The following PDE3A variants were observed in gnomAD, a reference collection of about 807,000 sequenced individuals.
PDE3A encodes cGMP-inhibited 3',5'-cyclic phosphodiesterase 3A.
In PDE3A, 43 loss-of-function variants were observed where a neutral mutation model predicts 98.3. That is an observed-to-expected ratio of 0.44 (90% CI 0.34 to 0.56). PDE3A has a LOEUF of 0.56. Among genes scored for constraint, PDE3A ranks in the 20% least tolerant of loss-of-function variants. The pLI is 0.01. For missense variants in PDE3A, 1,427 were observed against 1,440.7 expected (o/e 0.99, Z 0.15); for synonymous variants, 663 against 567.9 (o/e 1.17, Z -2.38).
At chr12:20,417,266 C>A (rs554054517) in intron 1 of PDE3A, among the ~76,000 whole-genome samples, 1 of 152,136 alleles carries the variant, frequency 6.6e-6, no homozygotes, top group East Asian at 1.9e-4. Flanking sequence ...ACACAAAAGT[C>A]CTGTAGAAAA....
intron 2 of PDE3A, among the ~76,000 whole-genome samples, chr12:20,581,553 G>A (rs1417489311): frequency 2.0e-5 from 3 of 151,204 alleles, no homozygotes; most frequent in South Asian, 2.1e-4. Context: ...TAGACGTTAC[G>A]ACTTTTTCTT....
At chr12:20,409,245 A>G (rs920091341) in intron 1 of PDE3A, among the ~76,000 whole-genome samples, 21 of 152,216 alleles carry the variant, frequency 1.4e-4, no homozygotes, top group African/African-American at 5.1e-4. Context: ...TCAGCGACAC[A>G]GGTTGAAGCC....
At chr12:20,456,235 A>T (rs1232156516) in intron 1 of PDE3A, among the ~76,000 whole-genome samples, 1 of 152,130 alleles carries the variant, frequency 6.6e-6, no homozygotes, top group Non-Finnish European at 1.5e-5. Flanking sequence ...GAGTGACAGG[A>T]ACAAGTCAGA....
chr12:20,663,870 A>T (rs1237021570), intron 15 of PDE3A, among the ~76,000 whole-genome samples: 2 of 152,042 alleles, frequency 1.3e-5, no homozygotes, highest in African/African-American at 4.8e-5. Context: ...TAGTTTTGGG[A>T]GAGGTGAGGG....
chr12:20,467,500 CTT>C (rs965331491), intron 1 of PDE3A, among the ~76,000 whole-genome samples: 6 of 151,732 alleles, frequency 4.0e-5, no homozygotes, highest in Non-Finnish European at 8.8e-5. Context: ...TTTTTAAAGT[CTT>C]TATTTTATTC....
intron 2 of PDE3A, among the ~76,000 whole-genome samples, chr12:20,601,476 A>G (rs1308045886): frequency 6.6e-6 from 1 of 152,168 alleles, no homozygotes; most frequent in East Asian, 1.9e-4. Flanking sequence ...AATGGCAGTA[A>G]AGTTCCACAA....
At position 20,613,550 on chromosome 12, in the gene PDE3A, C is replaced by T; in HGVS notation, c.1119C>T (p.Ser373=). ...DPSLPPNVCT[S]LRAVSNLLST... is the part of the protein sequence containing the mutation. ...CTCTTCCACCAAACGTGTGCACATC[C>T]TTGAGAGCCGTGAGCAACTTGCTCA... The change falls in exon 3 of 16, where the codon TCC becomes TCT. Residue 373 remains serine (S), a synonymous_variant. Coordinates refer to ENST00000359062, the MANE Select transcript of PDE3A (RefSeq NM_000921.5). 1 of 1,614,148 alleles carries T rather than the reference C, an allele frequency of 6.2e-7. No individual in the cohort carries two copies. Among genetic ancestry groups the T allele is most frequent in the South Asian group, 1.1e-5 (1 of 91,084 alleles).
chr12:20,562,446 C>T (rs374104876), intron 2 of PDE3A, among the ~76,000 whole-genome samples: 292 of 152,010 alleles, frequency 1.9e-3, no homozygotes, highest in African/African-American at 6.8e-3. Flanking sequence ...TTTCGATCTC[C>T]TGACCTCGTG....
intron 15 of PDE3A, among the ~76,000 whole-genome samples, chr12:20,673,457 C>T (rs1469094423): frequency 2.1e-5 from 3 of 139,616 alleles, no homozygotes; most frequent in African/African-American, 8.2e-5. Context: ...ACCCAAATGT[C>T]CAACAATGAT....
At chr12:20,426,156 A>G (rs1473894601) in intron 1 of PDE3A, among the ~76,000 whole-genome samples, 1 of 152,150 alleles carries the variant, frequency 6.6e-6, no homozygotes, top group Non-Finnish European at 1.5e-5. Context: ...ACTAGAAGAG[A>G]TTTTGTAACA....
chr12:20,675,599 C>T (rs1399788025), intron 15 of PDE3A, among the ~76,000 whole-genome samples: 1 of 152,174 alleles, frequency 6.6e-6, no homozygotes, highest in Non-Finnish European at 1.5e-5. Context: ...GATACTGCTT[C>T]TCAGCCTTTT....
At chr12:20,463,680 T>G (rs543823349) in intron 1 of PDE3A, among the ~76,000 whole-genome samples, 1 of 152,348 alleles carries the variant, frequency 6.6e-6, no homozygotes, top group Non-Finnish European at 1.5e-5. Flanking sequence ...GTTTTCATAT[T>G]TCTTTCAGTA....
intron 2 of PDE3A, among the ~76,000 whole-genome samples, chr12:20,591,557 C>T (rs1190897403): frequency 1.3e-5 from 2 of 152,174 alleles, no homozygotes; most frequent in Non-Finnish European, 2.9e-5. Context: ...CTTCTAATGC[C>T]GAAGGCAAAT....
rs10657239 is a variant in PDE3A, at chr12:20,481,764, ATTTTTTTT to A, written c.961-74881_961-74874del. Among the ~76,000 whole-genome samples the A allele has an allele frequency of 6.1e-3, 488 of 79,598 alleles. 13 individuals carry two copies. Among genetic ancestry groups the A allele is most frequent in the African/African-American group, 0.023 (447 of 19,310 alleles). The allele number at this position is 79,598 out of a possible 152,430, so 52.2% of individuals were successfully genotyped here. ...TCCATGTAAGTGACTTGGGAAATAG[ATTTTTTTT>A]TTTTTTTTTTTTTTGAGCAGAGTCT... On this transcript the variant is annotated intron_variant, in intron 1 of 15. Transcript: ENST00000359062.
chr12:20,400,146 G>A (rs1944095006), intron 1 of PDE3A, among the ~76,000 whole-genome samples: 1 of 152,074 alleles, frequency 6.6e-6, no homozygotes, highest in South Asian at 2.1e-4. Flanking sequence ...AGCCAGGGAT[G>A]CAGGTGTCAT....
chr12:20,616,131 A>C, intron 3 of PDE3A, 99 bp from the exon 4 acceptor site: 1 of 1,042,778 alleles, frequency 9.6e-7, no homozygotes, highest in Non-Finnish European at 1.4e-6. Context: ...TAATTTAGTC[A>C]ATTCACTTCT....
intron 1 of PDE3A, among the ~76,000 whole-genome samples, chr12:20,528,636 A>G (rs140730491): frequency 7.2e-5 from 11 of 152,324 alleles, no homozygotes; most frequent in African/African-American, 2.6e-4. Context: ...TAAATAAGGT[A>G]TGCCCATTGG....
At chr12:20,601,885 T>G (rs1162284653) in intron 2 of PDE3A, among the ~76,000 whole-genome samples, 2 of 152,186 alleles carry the variant, frequency 1.3e-5, no homozygotes, top group African/African-American at 4.8e-5. Context: ...CCATCTGTTG[T>G]TCACTGAAGT....
intron 1 of PDE3A, among the ~76,000 whole-genome samples, chr12:20,397,801 C>T (rs576342402): frequency 8.6e-5 from 13 of 152,020 alleles, no homozygotes; most frequent in Admixed American, 8.5e-4. Context: ...ATAGGCAACT[C>T]AGTAACAAAG....
Sources: allele counts gnomAD v4.1 joint callset (sites outside exome capture counted in the v4.1 genomes callset), GRCh38; gene constraint gnomAD v4.1.1; transcripts MANE v1.5; gene names NCBI Gene and HGNC (gene_info 2026-07-23, HGNC 2026-07-21).